The following TLL2 variants were observed in gnomAD, a reference collection of about 807,000 sequenced individuals.
TLL2 encodes the protein tolloid-like protein 2.
In TLL2, 106 loss-of-function variants were observed where a neutral mutation model predicts 123.0. The observed-to-expected ratio is 0.86, with a 90% CI of 0.74 to 1.01. TLL2 has a LOEUF of 1.01. Among genes scored for constraint, TLL2 ranks in the 50% least tolerant of loss-of-function variants. TLL2 has a pLI of 0.00. For missense variants in TLL2, 1,332 were observed against 1,336.7 expected, an observed-to-expected ratio of 1.00 and a Z score of 0.06; for synonymous variants, 494 against 516.8, an observed-to-expected ratio of 0.96 and a Z score of 0.60.
At position 96,370,114 on chromosome 10, in the gene TLL2, T is replaced by C. The variant is rs1846065889; in HGVS notation, c.2864A>G (p.Asp955Gly). The C allele has an allele frequency of 6.2e-7, 1 of 1,613,240 alleles. No individual in the cohort carries two copies. Among genetic ancestry groups the C allele is most frequent in the East Asian group, 2.2e-5 (1 of 44,850 alleles). Residue 955 changes from aspartate (D) to glycine (G), a missense_variant, in exon 20 of 21, where the codon GAC becomes GGC. By Grantham distance (94) the Asp-to-Gly change is moderately conservative. Transcript: ENST00000357947. Reference protein sequence around the residue: ...DCGYDYMEAYDGYDSSAPRLG... With the variant: ...DCGYDYMEAYGGYDSSAPRLG... ...CCTGGGCGCTGAGCTGTCGTAGCCGTCGTAGGCTTCCATGTAGTCGTAGCC... is the reference window on the plus strand; with the variant it reads ...CCTGGGCGCTGAGCTGTCGTAGCCGCCGTAGGCTTCCATGTAGTCGTAGCC...
chr10:96,424,714 G>T (rs1339955679), intron 5 of TLL2, among the ~76,000 whole-genome samples: 1 of 151,936 alleles, frequency 6.6e-6, no homozygotes, highest in African/African-American at 2.4e-5. Flanking sequence ...AGTCAAGAGT[G>T]TTGCAAGTAT....
rs376101551 is a variant in TLL2, at chr10:96,370,270, T to C, written c.2708A>G (p.Tyr903Cys). The part of the protein sequence containing the change: ...LKAEVQTKEL[Y>C]SHAQFGDNNY... Reference sequence around the variant, plus strand: ...GTTGTCCCCAAACTGGGCGTGGGAATAGAGCTCTTTGGTCTGCACTTCAGC... The same window carrying C: ...GTTGTCCCCAAACTGGGCGTGGGAACAGAGCTCTTTGGTCTGCACTTCAGC... The change falls in exon 20 of 21, where the codon TAT becomes TGT. Residue 903 changes from tyrosine to cysteine, a missense_variant. Tyr to Cys is a radical substitution (Grantham distance 194, BLOSUM62 -2). Transcript: ENST00000357947. 1.8e-5 allele frequency: 29 copies of C among 1,608,538 alleles called. No individual in the cohort carries two copies. The African/African-American group carries it at 2.3e-4, about 13-fold the overall frequency.
chr10:96,374,742 C>T (rs1036251597), intron 18 of TLL2, among the ~76,000 whole-genome samples: 1 of 152,168 alleles, frequency 6.6e-6, no homozygotes, highest in Non-Finnish European at 1.5e-5. Flanking sequence ...TATGCTGCCT[C>T]ACCTCTCCCT....
chr10:96,500,810 G>GAGGGAGGGAGGA (rs71034381), intron 1 of TLL2, among the ~76,000 whole-genome samples: 1 of 139,084 alleles, frequency 7.2e-6, no homozygotes, highest in African/African-American at 2.7e-5. Flanking sequence ...GGGACGGAGG[G>GAGGGAGGGAGGA]AGGGAGGGAG....
chr10:96,366,835 C>A lies in TLL2; in HGVS notation c.*1253G>T, dbSNP rs561800377. 2.0e-5 allele frequency: 3 copies of A among 152,670 alleles called. No individual in the cohort carries two copies. Among genetic ancestry groups the A allele is most frequent in the Non-Finnish European group, 4.4e-5 (3 of 68,048 alleles). The allele number at this position is 152,670 out of a possible 1,614,324, so 9.5% of individuals were successfully genotyped here. A position where few individuals can be genotyped will look rare whatever the true frequency, so the allele number is the denominator to read the frequency against. On this transcript the variant is annotated 3_prime_UTR_variant, in exon 21 of 21. Transcript: ENST00000357947. ...AGCTAACATACCACAGCTTTTAGCTCATAATGCCCATAGATGCCTTAATGA... is the reference window on the plus strand; with the variant it reads ...AGCTAACATACCACAGCTTTTAGCTAATAATGCCCATAGATGCCTTAATGA...
At chr10:96,371,636 C>CT (rs1846085817) in intron 19 of TLL2, among the ~76,000 whole-genome samples, 1 of 152,210 alleles carries the variant, frequency 6.6e-6, no homozygotes, top group African/African-American at 2.4e-5. Context: ...TTCCTGAGAG[C>CT]TGGGTGGTCA....
intron 1 of TLL2, 126 bp downstream of exon 1, chr10:96,513,385 G>A (rs1378942341): frequency 3.3e-6 from 4 of 1,205,952 alleles, no homozygotes; most frequent in Non-Finnish European, 4.6e-6. Flanking sequence ...GTCTTCCGGG[G>A]GAGCCGGGGA....
chr10:96,421,831 CTG>C (rs1846627174), intron 6 of TLL2, among the ~76,000 whole-genome samples: 1 of 152,066 alleles, frequency 6.6e-6, no homozygotes, highest in Admixed American at 6.5e-5. Context: ...GAGTGAGACT[CTG>C]TCTCAAAAAA....
chr10:96,382,904 C>T (rs1009490709), intron 16 of TLL2, among the ~76,000 whole-genome samples: 2 of 152,048 alleles, frequency 1.3e-5, no homozygotes. Context: ...AGGAATAAGA[C>T]GAAGCCAGAG....
chr10:96,448,904 T>C (rs956735162), intron 2 of TLL2, among the ~76,000 whole-genome samples: 16 of 152,172 alleles, frequency 1.1e-4, no homozygotes, highest in African/African-American at 3.1e-4. Flanking sequence ...TTGGCTTTTA[T>C]TCTGAGTGAA....
intron 19 of TLL2, 57 bp from the exon 20 acceptor site, chr10:96,370,372 C>T: frequency 6.7e-7 from 1 of 1,496,060 alleles, no homozygotes; most frequent in Non-Finnish European, 8.9e-7. Flanking sequence ...GTGCCTCCCG[C>T]CTGCGTCTGC....
intron 18 of TLL2, among the ~76,000 whole-genome samples, chr10:96,375,157 G>C (rs1589404573): frequency 6.6e-6 from 1 of 152,264 alleles, no homozygotes; most frequent in East Asian, 1.9e-4. Flanking sequence ...GTAGAGACAC[G>C]GGACAGGGGA....
intron 1 of TLL2, among the ~76,000 whole-genome samples, chr10:96,506,396 C>T (rs947736115): frequency 9.2e-5 from 14 of 151,834 alleles, no homozygotes; most frequent in Non-Finnish European, 1.9e-4. Context: ...TGGGGAGGGG[C>T]CAGGTGCTCA....
intron 4 of TLL2, among the ~76,000 whole-genome samples, chr10:96,431,508 C>G (rs1047655232): frequency 6.6e-6 from 1 of 152,150 alleles, no homozygotes; most frequent in Non-Finnish European, 1.5e-5. Flanking sequence ...TTATAAGTTG[C>G]ACTGAGAGCC....
intron 10 of TLL2, among the ~76,000 whole-genome samples, chr10:96,401,155 C>T (rs1368256114): frequency 6.6e-6 from 1 of 152,136 alleles, no homozygotes; most frequent in South Asian, 2.1e-4. Flanking sequence ...CAAGTGGGCT[C>T]CATGGGGAGT....
chr10:96,373,808 G>T lies in TLL2; in HGVS notation c.2450C>A (p.Thr817Asn). The T allele has an allele frequency of 6.2e-7, 1 of 1,613,224 alleles. No homozygotes were observed. ...CTGCTCGATCTCAAACTCATTAAAG[G>T]TCTGGGGACAGAAGAGCAGAAAGTA... is the stretch of plus-strand genomic sequence containing the variant. ...SSTAGHRVKL[T>N]FNEFEIEQHQ... is the part of the protein sequence containing the mutation. Residue 817 changes from threonine to asparagine, a missense_variant and splice_region_variant, in exon 19 of 21, where the codon ACC (threonine) becomes AAC (asparagine). By Grantham distance (65) the Thr-to-Asn change is moderately conservative. Transcript: ENST00000357947.
At chr10:96,381,207 G>T (rs939558739) in intron 16 of TLL2, among the ~76,000 whole-genome samples, 1 of 152,176 alleles carries the variant, frequency 6.6e-6, no homozygotes, top group Non-Finnish European at 1.5e-5. Context: ...CTGCCCTGCT[G>T]CCCTGGTCCT....
At chr10:96,490,962 T>C (rs926672655) in intron 1 of TLL2, among the ~76,000 whole-genome samples, 7 of 152,202 alleles carry the variant, frequency 4.6e-5, no homozygotes, top group Admixed American at 6.5e-5. Context: ...TTTCCAACTA[T>C]GACCCTGGGG....
rs1197140302 is a variant in TLL2 at position 96,371,702 on chromosome 10, C to CA, written c.2663-1388dup. Among the ~76,000 whole-genome samples the CA allele has an allele frequency of 2.1e-4, 32 of 152,286 alleles. 1 individual carries two copies. The highest frequency in any genetic ancestry group is 7.5e-4 in the African/African-American group (31 of 41,564). On this transcript the variant is annotated intron_variant, in intron 19 of 20. Transcript: ENST00000357947. ...TCCCCTCCATCCGGCCGGACGCCCC[C>CA]ACCCTCCCCACCTGCCTGGGCCCCG...
Sources: gnomAD v4.1 joint callset for allele counts (sites outside exome capture counted in the v4.1 genomes callset) on GRCh38, gnomAD v4.1.1 for gene constraint, MANE v1.5 for transcripts, NCBI Gene and HGNC (gene_info 2026-07-23, HGNC 2026-07-21) for gene names.